BOD1L1: variants seen among roughly 807,000 people sequenced by gnomAD.
BOD1L1 encodes biorientation of chromosomes in cell division protein 1-like 1.
A neutral mutation model predicts 240.7 loss-of-function variants in BOD1L1; 86 were observed. That is an observed-to-expected ratio of 0.36 (90% CI 0.30 to 0.43). The LOEUF (loss-of-function observed/expected upper bound fraction) is 0.43, where lower values mean the gene tolerates loss of function less well. Ranked by LOEUF, BOD1L1 falls within the 20% of genes least tolerant of loss-of-function variation. BOD1L1 has a pLI of 1.00. For synonymous variants in BOD1L1, 1,268 were observed against 1,272.3 expected (o/e 1.00, Z 0.07); for missense variants, 3,554 against 3,643.5 (o/e 0.98, Z 0.63).
At position 13,607,712 on chromosome 4, in the gene BOD1L1, G is replaced by A. The variant is rs185401961; in HGVS notation, c.1743-523C>T. Among the ~76,000 whole-genome samples the A allele has an allele frequency of 2.0e-5, 3 of 152,252 alleles. No individual in the cohort carries two copies. The East Asian group carries it at 5.8e-4, about 29-fold the overall frequency. ...CACAATCCCAAACATAGCATTAACT[G>A]TTCTTGGTGCTAAAGGAAAGTACAG... is the stretch of plus-strand genomic sequence containing the variant. On this transcript the variant is annotated intron_variant, in intron 8 of 25. Transcript: ENST00000040738.
At chr4:13,571,417 G>A (rs542533541) in intron 25 of BOD1L1, among the ~76,000 whole-genome samples, 2 of 152,328 alleles carry the variant, frequency 1.3e-5, no homozygotes, top group Admixed American at 6.5e-5. Flanking sequence ...ATGTGGTTTT[G>A]ACATGTGTTG....
intron 1 of BOD1L1, among the ~76,000 whole-genome samples, 164 bp downstream of exon 1, chr4:13,627,181 T>C (rs1248449827): frequency 6.6e-6 from 1 of 152,270 alleles, no homozygotes; most frequent in Non-Finnish European, 1.5e-5. Flanking sequence ...ACTTAAACAC[T>C]AGTCGGTAAA....
rs1285806582 is a variant in BOD1L1 at position 13,576,855 on chromosome 4, G to A, written c.9021C>T (p.Thr3007=). The change falls in exon 25 of 26, where the codon ACC becomes ACT. Residue 3007 remains threonine, a synonymous_variant. Coordinates refer to ENST00000040738, the MANE Select transcript of BOD1L1 (RefSeq NM_148894.3). The part of the protein sequence containing the change: ...EPSGATTRST[T]RSEAQRSKTQ... ...CCCATTACCTCTGAGCCTCTGATCT[G>A]GTGGTGGATCTTGTGGTGGCTCCTG... 1 of 1,613,962 alleles carries A rather than the reference G, an allele frequency of 6.2e-7. No homozygotes were observed. The highest frequency in any genetic ancestry group is 1.1e-5 in the South Asian group (1 of 91,080).
chr4:13,570,159 G>A (rs1712085500), intron 25 of BOD1L1, 31 bp from the exon 26 acceptor site: 2 of 1,453,320 alleles, frequency 1.4e-6, no homozygotes, highest in East Asian at 2.6e-5. Flanking sequence ...GCAATGGTGA[G>A]GTTTAAAAGC....
In BOD1L1 at chr4:13,602,501, T is replaced by C. The variant is rs1284355853; in HGVS notation, c.4399A>G (p.Lys1467Glu). The C allele has an allele frequency of 6.2e-7, 1 of 1,614,004 alleles. No individual in the cohort carries two copies. The change falls in exon 10 of 26, where the codon AAA (lysine) becomes GAA (glutamate). Residue 1467 changes from lysine to glutamate, a missense_variant. Lys to Glu is a moderately conservative substitution (Grantham distance 56). Around this residue, in one of 2 missense-constraint regions of BOD1L1, gnomAD observed 3,393 missense variants for 3,427.1 expected, o/e 0.99. Coordinates refer to ENST00000040738, the MANE Select transcript of BOD1L1 (RefSeq NM_148894.3). ...CTTTCAACATCAATTGATATGTCTTTTACTTTACCTGGGCTTCTTTTATGC... is the reference window on the plus strand; with the variant it reads ...CTTTCAACATCAATTGATATGTCTTCTACTTTACCTGGGCTTCTTTTATGC... ...LKHKRSPGKVKDISIDVERRN... is the reference protein window; with the variant it reads ...LKHKRSPGKVEDISIDVERRN...
rs141950818 is a variant in BOD1L1 at position 13,600,873 on chromosome 4, A to G, written c.6027T>C (p.Asp2009=). The G allele has an allele frequency of 2.7e-4, 438 of 1,613,844 alleles. No homozygotes were observed. Among genetic ancestry groups the G allele is most frequent in the South Asian group, 6.7e-4 (61 of 91,050 alleles). The part of the protein sequence containing the change: ...ISTGLVGGSY[D]VLVSGEVPEC... ...CTGGGACTTCACCAGATACAAGAACATCGTAACTACCCCCGACCAGGCCAG... is the reference window on the plus strand; with the variant it reads ...CTGGGACTTCACCAGATACAAGAACGTCGTAACTACCCCCGACCAGGCCAG... The change falls in exon 10 of 26, where the codon GAT becomes GAC. Residue 2009 remains aspartate, a synonymous_variant. Transcript: ENST00000040738.
intron 17 of BOD1L1, among the ~76,000 whole-genome samples, chr4:13,584,353 T>G (rs1008720066): frequency 6.6e-6 from 1 of 151,582 alleles, no homozygotes; most frequent in Non-Finnish European, 1.5e-5. Flanking sequence ...GCTCTGTGTG[T>G]GTGTGTGTGT....
At position 13,602,174 on chromosome 4, in the gene BOD1L1, C is replaced by G; in HGVS notation, c.4726G>C (p.Val1576Leu). The G allele has an allele frequency of 3.7e-6, 6 of 1,613,908 alleles. No individual in the cohort carries two copies. The highest frequency in any genetic ancestry group is 5.1e-6 in the Non-Finnish European group (6 of 1,179,832). Residue 1576 changes from valine (V) to leucine (L), a missense_variant, in exon 10 of 26, where the codon GTT (valine) becomes CTT (leucine). Physicochemically the swap from Val to Leu is conservative, Grantham distance 32 (BLOSUM62 1). Around this residue, in one of 2 missense-constraint regions of BOD1L1, gnomAD observed 3,393 missense variants for 3,427.1 expected, o/e 0.99. Transcript: ENST00000040738. ...GTHSRNNPLH[V>L]GAEASECTVF... ...GTGCATTCACTGGCTTCTGCACCAA[C>G]ATGAAGAGGATTATTTCTGGAATGT...
At chr4:13,592,435 C>G (rs1714290169) in intron 12 of BOD1L1, 1 of 152,760 alleles carries the variant, frequency 6.5e-6, no homozygotes, top group Non-Finnish European at 1.5e-5. Context: ...TCAACAATGA[C>G]AGAACACACA....
chr4:13,585,926 G>A (rs1054836841), intron 17 of BOD1L1, among the ~76,000 whole-genome samples: 1 of 152,174 alleles, frequency 6.6e-6, no homozygotes, highest in African/African-American at 2.4e-5. Context: ...GCGGAACCGT[G>A]AGTCAATTAA....
At position 13,598,943 on chromosome 4, in the gene BOD1L1, C is replaced by A; in HGVS notation, c.7954+3G>T. ...AAATTTGCAATTAGGTACAGATTCT[C>A]ACCTATGTCACACACATTTTCTTCA... On this transcript the variant is annotated splice_donor_region_variant and intron_variant, in intron 10 of 25. Coordinates refer to ENST00000040738, the MANE Select transcript of BOD1L1 (RefSeq NM_148894.3). The A allele has an allele frequency of 6.3e-7, 1 of 1,596,640 alleles. No homozygotes were observed.
rs909060235 is a variant in BOD1L1, at chr4:13,627,513, T to TGGCTGCGGCTGC, written c.63_74dup (p.Gln22_Pro25dup). On this transcript the variant is annotated inframe_insertion, in exon 1 of 26. Coordinates refer to ENST00000040738, the MANE Select transcript of BOD1L1 (RefSeq NM_148894.3). The stretch of plus-strand genomic sequence containing the variant: ...CCCCGGGGCCCGGCGGCGGCGGCGG[T>TGGCTGCGGCTGC]GGCTGCGGCTGCGGCTGCGGCGGGG... The TGGCTGCGGCTGC allele has an allele frequency of 3.7e-5, 39 of 1,043,938 alleles. No individual in the cohort carries two copies. The highest frequency in any genetic ancestry group is 4.4e-5 in the Non-Finnish European group (38 of 868,388). The allele number at this position is 1,043,938 out of a possible 1,614,324, so 64.7% of individuals were successfully genotyped here.
In BOD1L1 at chr4:13,608,439, A is replaced by G. The variant is rs985312949; in HGVS notation, c.1742+91T>C. On this transcript the variant is annotated intron_variant, in intron 8 of 25. Transcript: ENST00000040738. ...AACATGCAGTAACATACACAACCAAAGTACAACTCTTTACTGTCACTTCAA... is the reference window on the plus strand; with the variant it reads ...AACATGCAGTAACATACACAACCAAGGTACAACTCTTTACTGTCACTTCAA... The G allele has an allele frequency of 3.3e-6, 4 of 1,206,708 alleles. No individual in the cohort carries two copies. The Admixed American group carries it at 1.6e-4, about 47-fold the overall frequency. The allele number at this position is 1,206,708 out of a possible 1,614,324, so 74.8% of individuals were successfully genotyped here.
At chr4:13,605,780 T>C (rs1319785089) in intron 9 of BOD1L1, among the ~76,000 whole-genome samples, 1 of 152,202 alleles carries the variant, frequency 6.6e-6, no homozygotes, top group African/African-American at 2.4e-5. Flanking sequence ...TTTAGGCTAC[T>C]TGTACAATAT....
chr4:13,620,145 A>G, intron 1 of BOD1L1, 78 bp from the exon 2 acceptor site: 1 of 1,395,540 alleles, frequency 7.2e-7, no homozygotes, highest in Non-Finnish European at 9.6e-7. Flanking sequence ...TATTTTTACC[A>G]TGGGACAACA....
chr4:13,603,753 G>A lies in BOD1L1; in HGVS notation c.3147C>T (p.Asp1049=), dbSNP rs1237345486. Residue 1049 remains aspartate (D), a synonymous_variant, in exon 10 of 26, where the codon GAC becomes GAT. Transcript: ENST00000040738. ...TACCTCTGGCCTTTTCATGACTACT[G>A]TCAACTTCTTTACCATCCTTGTCAT... is the stretch of plus-strand genomic sequence containing the variant. ...KSDDKDGKEV[D]SSHEKARGNS... The A allele has an allele frequency of 6.2e-7, 1 of 1,613,588 alleles. No homozygotes were observed. Among genetic ancestry groups the A allele is most frequent in the Non-Finnish European group, 8.5e-7 (1 of 1,179,824 alleles).
chr4:13,590,326 C>A, intron 14 of BOD1L1, 60 bp downstream of exon 14: 2 of 903,904 alleles, frequency 2.2e-6, no homozygotes, highest in Non-Finnish European at 3.4e-6. Context: ...GTATACAGAC[C>A]ACACTCAATA....
chr4:13,602,357 T>A lies in BOD1L1; in HGVS notation c.4543A>T (p.Thr1515Ser). The stretch of plus-strand genomic sequence containing the variant: ...CCTTCAGTACTAGTGGCAACAGAAG[T>A]CTTTTCTGCTCTCCTAGGCCCAGTT... ...VATGPRRAEK[T>S]SVATSTEGKD... Residue 1515 changes from threonine (T) to serine (S), a missense_variant, in exon 10 of 26, where the codon ACT becomes TCT. Thr to Ser is a moderately conservative substitution (Grantham distance 58). Transcript: ENST00000040738. 6.2e-7 allele frequency: 1 copy of A among 1,613,908 alleles called. No individual in the cohort carries two copies.
At chr4:13,617,782 T>G (rs1054546485) in intron 2 of BOD1L1, among the ~76,000 whole-genome samples, 15 of 152,194 alleles carry the variant, frequency 9.9e-5, no homozygotes, top group African/African-American at 3.1e-4. Flanking sequence ...CCTAATGGAG[T>G]CAAGTGAGTA....
Sources: allele counts gnomAD v4.1 joint callset (sites outside exome capture counted in the v4.1 genomes callset), GRCh38; gene constraint gnomAD v4.1.1; regional missense constraint gnomAD v4.1.1; transcripts MANE v1.5; gene names NCBI Gene and HGNC (gene_info 2026-07-23, HGNC 2026-07-21).